Variants in THADA observed in about 807,000 individuals in gnomAD.
THADA encodes the protein tRNA (32-2'-O)-methyltransferase regulator THADA.
A neutral mutation model predicts 219.8 loss-of-function variants in THADA; 213 were observed. That is an observed-to-expected ratio of 0.97 (90% CI 0.87 to 1.09). The LOEUF (loss-of-function observed/expected upper bound fraction) is 1.09. Among genes scored for constraint, THADA ranks in the 50% least tolerant of loss-of-function variants. The pLI, the probability that THADA is intolerant of heterozygous loss-of-function variation, is 0.00. For missense variants in THADA, 2,956 were observed against 2,311.3 expected (o/e 1.28, Z -5.72); for synonymous variants, 1,018 against 828.9 (o/e 1.23, Z -3.92).
At chr2:43,402,575 G>A (rs1674991381) in intron 28 of THADA, among the ~76,000 whole-genome samples, 1 of 152,030 alleles carries the variant, frequency 6.6e-6, no homozygotes, top group Non-Finnish European at 1.5e-5. Flanking sequence ...GGTTTCAAAG[G>A]TAAGTGGCTA....
intron 11 of THADA, 102 bp from the exon 12 acceptor site, chr2:43,573,094 A>G (rs1699481487): frequency 2.1e-6 from 2 of 972,088 alleles, no homozygotes; most frequent in Non-Finnish European, 1.4e-6. Flanking sequence ...ATTTCAATAA[A>G]TAAAAATCAC....
chr2:43,544,921 G>C (rs1041742642), intron 20 of THADA, among the ~76,000 whole-genome samples: 2 of 150,420 alleles, frequency 1.3e-5, no homozygotes, highest in Admixed American at 1.3e-4. Flanking sequence ...TGTTGAATAG[G>C]AGTGGTGAGA....
intron 36 of THADA, among the ~76,000 whole-genome samples, chr2:43,234,260 T>C (rs571916416): frequency 7.2e-5 from 11 of 152,344 alleles, no homozygotes; most frequent in African/African-American, 2.4e-4. Context: ...TCCAGAGGTT[T>C]TGATGGTGGG....
intron 29 of THADA, among the ~76,000 whole-genome samples, chr2:43,395,880 T>C (rs993310069): frequency 6.6e-6 from 1 of 152,130 alleles, no homozygotes; most frequent in African/African-American, 2.4e-5. Context: ...GCCTTCCAAG[T>C]TGAGTAGCTG....
chr2:43,551,634 T>C (rs930804049), intron 19 of THADA, among the ~76,000 whole-genome samples, 155 bp downstream of exon 19: 2 of 151,390 alleles, frequency 1.3e-5, no homozygotes, highest in African/African-American at 4.9e-5. Flanking sequence ...TTAAAACTAT[T>C]GCTAAAAGGC....
At chr2:43,440,366 G>A (rs1291519233) in intron 26 of THADA, among the ~76,000 whole-genome samples, 1 of 151,980 alleles carries the variant, frequency 6.6e-6, no homozygotes, top group African/African-American at 2.4e-5. Context: ...GTTATTGCTA[G>A]TCTCTTGCAG....
rs1225795608 is a variant in THADA at position 43,425,442 on chromosome 2, T to TTGTG, written c.4058+2657_4058+2658insCACA. 4.7e-4 allele frequency among the ~76,000 whole-genome samples: 53 copies of TTGTG among 112,876 alleles called. 1 individual carries two copies. In the South Asian group the frequency reaches 6.8e-3, roughly 15 times the overall value. 74.1% of individuals were successfully genotyped at this position (112,876 alleles called of 152,430 possible). A position where few individuals can be genotyped will look rare whatever the true frequency, so the allele number is the denominator to read the frequency against. On this transcript the variant is annotated intron_variant, in intron 28 of 37. Coordinates refer to ENST00000405975, the MANE Select transcript of THADA (RefSeq NM_022065.5). Reference sequence around the variant, plus strand: ...GCTACTACTGTCTAGCTTGTTAAAATTGTATGTGTGTGTGTGTGTGTGTGT... The same window carrying TTGTG: ...GCTACTACTGTCTAGCTTGTTAAAATTGTGTGTATGTGTGTGTGTGTGTGTGTGT...
intron 4 of THADA, among the ~76,000 whole-genome samples, chr2:43,590,243 G>C (rs751777894): frequency 6.6e-6 from 1 of 152,004 alleles, no homozygotes; most frequent in Non-Finnish European, 1.5e-5. Flanking sequence ...AGAACAGATA[G>C]GACAAAAAGA....
intron 31 of THADA, among the ~76,000 whole-genome samples, chr2:43,311,019 A>G (rs1207429948): frequency 6.6e-6 from 1 of 152,146 alleles, no homozygotes; most frequent in East Asian, 1.9e-4. Flanking sequence ...TCTACTAAAA[A>G]TACAAAATTA....
chr2:43,568,168 G>T (rs933959211), intron 14 of THADA, among the ~76,000 whole-genome samples: 1 of 152,032 alleles, frequency 6.6e-6, no homozygotes, highest in Non-Finnish European at 1.5e-5. Context: ...TGTTAAGTGG[G>T]GATAAGAATG....
intron 35 of THADA, among the ~76,000 whole-genome samples, chr2:43,280,874 G>C (rs531010709): frequency 2.0e-5 from 3 of 152,326 alleles, no homozygotes; most frequent in Admixed American, 1.3e-4. Context: ...AAAGCAATGA[G>C]TTGTGAAGAA....
chr2:43,399,508 G>A lies in THADA; in HGVS notation c.4059-1369C>T, dbSNP rs114471478. 3.4e-3 allele frequency among the ~76,000 whole-genome samples: 513 copies of A among 152,284 alleles called. 4 individuals carry two copies. The highest frequency in any genetic ancestry group is 0.011 in the African/African-American group (457 of 41,548). Reference sequence around the variant, plus strand: ...CTGTACAAATAGAATAGCCTGAGCAGAATTTCATCATGGTGTTGGGGGAGG... The same window carrying A: ...CTGTACAAATAGAATAGCCTGAGCAAAATTTCATCATGGTGTTGGGGGAGG... On this transcript the variant is annotated intron_variant, in intron 28 of 37. Coordinates refer to ENST00000405975, the MANE Select transcript of THADA (RefSeq NM_022065.5).
intron 36 of THADA, among the ~76,000 whole-genome samples, chr2:43,269,657 GATCAA>G (rs1671912664): frequency 6.6e-6 from 1 of 152,190 alleles, no homozygotes; most frequent in South Asian, 2.1e-4. Context: ...GGCCTACCTT[GATCAA>G]ATCTCTTTAT....
chr2:43,403,257 A>G (rs536005545), intron 28 of THADA, among the ~76,000 whole-genome samples: 1 of 152,232 alleles, frequency 6.6e-6, no homozygotes, highest in Non-Finnish European at 1.5e-5. Context: ...GTTTCCAAAC[A>G]TTCAACCTAA....
At chr2:43,363,653 T>C (rs1419990334) in intron 29 of THADA, among the ~76,000 whole-genome samples, 1 of 152,226 alleles carries the variant, frequency 6.6e-6, no homozygotes, top group Non-Finnish European at 1.5e-5. Flanking sequence ...TGAGTTCAGC[T>C]TAGCATTATG....
intron 26 of THADA, among the ~76,000 whole-genome samples, chr2:43,481,395 C>G (rs1453718809): frequency 6.6e-6 from 1 of 152,118 alleles, no homozygotes; most frequent in Non-Finnish European, 1.5e-5. Flanking sequence ...TATGAGCTCT[C>G]TTTAATAAGA....
intron 20 of THADA, among the ~76,000 whole-genome samples, chr2:43,547,126 T>C (rs1244749366): frequency 6.6e-6 from 1 of 152,106 alleles, no homozygotes; most frequent in East Asian, 1.9e-4. Context: ...CTCCTTCACT[T>C]ATGAAGCTTA....
At chr2:43,334,837 G>C (rs1276840304) in intron 30 of THADA, among the ~76,000 whole-genome samples, 2 of 152,172 alleles carry the variant, frequency 1.3e-5, no homozygotes, top group African/African-American at 4.8e-5. Flanking sequence ...CACTGGGATG[G>C]CGGCCCAGAC....
intron 26 of THADA, among the ~76,000 whole-genome samples, chr2:43,465,802 T>C (rs1236305885): frequency 6.6e-6 from 1 of 152,102 alleles, no homozygotes; most frequent in Non-Finnish European, 1.5e-5. Context: ...AACTGCCAAA[T>C]AGATGTCATT....
Sources: gnomAD v4.1 joint callset for allele counts (sites outside exome capture counted in the v4.1 genomes callset) on GRCh38, gnomAD v4.1.1 for gene constraint, MANE v1.5 for transcripts, NCBI Gene and HGNC (gene_info 2026-07-23, HGNC 2026-07-21) for gene names.